CKAP2: variants seen among roughly 807,000 people sequenced by gnomAD.
The protein encoded by CKAP2 is cytoskeleton-associated protein 2.
In CKAP2, 46 loss-of-function variants were observed where a neutral mutation model predicts 58.4. The ratio of observed to expected loss-of-function variants is 0.79; its 90% CI spans 0.62 to 1.01. CKAP2 has a LOEUF of 1.01. Among genes scored for constraint, CKAP2 ranks in the 50% least tolerant of loss-of-function variants. The pLI is 0.00. For synonymous variants in CKAP2, 293 were observed against 280.9 expected (o/e 1.04, Z -0.43); for missense variants, 809 against 796.4 (o/e 1.02, Z -0.19).
At chr13:52,467,850 C>T (rs1228710340) in intron 6 of CKAP2, among the ~76,000 whole-genome samples, 1 of 150,320 alleles carries the variant, frequency 6.7e-6, no homozygotes, top group Non-Finnish European at 1.5e-5. Flanking sequence ...CACTCTCTCG[C>T]CCAGGCTAGA....
intron 6 of CKAP2, chr13:52,465,938 T>TATATACAC (rs1555259574): frequency 1.4e-4 from 43 of 300,864 alleles, no homozygotes; most frequent in South Asian, 6.1e-4. Context: ...TACACACATA[T>TATATACAC]ATATACACAT....
Position 52,462,352 on chromosome 13 carries a change from T to G in CKAP2, c.1101-11T>G. 6.2e-7 allele frequency: 1 copy of G among 1,607,392 alleles called. No homozygotes were observed. Among genetic ancestry groups the G allele is most frequent in the Non-Finnish European group, 8.5e-7 (1 of 1,178,410 alleles). On this transcript the variant is annotated splice_polypyrimidine_tract_variant and intron_variant, in intron 4 of 8. Transcript: ENST00000258607. ...TTTCAAAGTAACGTTTATATCTGCT[T>G]CTAACTATAGAGCTCGTCTGAGTGA... is the stretch of plus-strand genomic sequence containing the variant.
intron 7 of CKAP2, among the ~76,000 whole-genome samples, chr13:52,472,058 A>G (rs1007340386): frequency 7.2e-5 from 11 of 152,002 alleles, no homozygotes; most frequent in South Asian, 2.1e-4. Context: ...CTCCAAGACA[A>G]TCTTCTACTT....
At position 52,475,399 on chromosome 13, in the gene CKAP2, A is replaced by G. The variant is rs1958815031; in HGVS notation, c.*258A>G. The G allele has an allele frequency of 7.3e-6, 3 of 409,424 alleles. No individual in the cohort carries two copies. Among genetic ancestry groups the G allele is most frequent in the Middle Eastern group, 6.5e-4 (1 of 1,528 alleles). The allele number at this position is 409,424 out of a possible 1,614,324, so 25.4% of individuals were successfully genotyped here. ...GGTAAATTTTGTCAGCTAGTTTACT[A>G]TGTTCCTTGAATATAAACAGGTTAT... On this transcript the variant is annotated 3_prime_UTR_variant, in exon 9 of 9. Coordinates refer to ENST00000258607, the MANE Select transcript of CKAP2 (RefSeq NM_018204.5).
At chr13:52,455,899 G>A in intron 1 of CKAP2, 2 of 1,102,822 alleles carry the variant, frequency 1.8e-6, no homozygotes, top group African/African-American at 1.7e-5. Context: ...AAACGCGCGG[G>A]CCTCAGGCCG....
chr13:52,466,871 GGATCGTTTGAGTCCAA>G (rs1958685355), intron 6 of CKAP2, among the ~76,000 whole-genome samples: 1 of 152,184 alleles, frequency 6.6e-6, no homozygotes, highest in Non-Finnish European at 1.5e-5. Context: ...CGAGGCGGGA[GGATCGTTTGAGTCCAA>G]GAGTTCAAGA....
intron 5 of CKAP2, among the ~76,000 whole-genome samples, chr13:52,464,451 G>A (rs1235656512): frequency 6.6e-6 from 1 of 151,630 alleles, no homozygotes; most frequent in African/African-American, 2.4e-5. Context: ...TACTCAGAAG[G>A]CTGAGGCTGG....
At chr13:52,474,443 C>T (rs1161200060) in intron 8 of CKAP2, among the ~76,000 whole-genome samples, 1 of 152,184 alleles carries the variant, frequency 6.6e-6, no homozygotes, top group Non-Finnish European at 1.5e-5. Flanking sequence ...GAGCCAAGAT[C>T]ATGCCACTGT....
Position 52,461,264 on chromosome 13 carries a change from A to G in CKAP2, c.438A>G (p.Ala146=), listed in dbSNP as rs372390966. The change falls in exon 4 of 9, where the codon GCA becomes GCG. Residue 146 remains alanine, a synonymous_variant. Transcript: ENST00000258607. ...PQSQHMTLSQ[A]FHLKNNSKKK... ...GTCAACATATGACATTAAGCCAGGC[A>G]TTTCACCTTAAAAACAATAGTAAAA... 1.2e-5 allele frequency: 20 copies of G among 1,613,580 alleles called. No homozygotes were observed. In the African/African-American group the frequency reaches 2.4e-4, roughly 19 times the overall value.
intron 7 of CKAP2, among the ~76,000 whole-genome samples, chr13:52,470,881 C>T (rs1043223961): frequency 6.6e-6 from 1 of 151,596 alleles, no homozygotes; most frequent in Non-Finnish European, 1.5e-5. Context: ...CAGTCCTGGC[C>T]GGGCATGGTG....
chr13:52,466,151 C>T (rs1162029599), intron 6 of CKAP2, among the ~76,000 whole-genome samples: 3 of 151,938 alleles, frequency 2.0e-5, no homozygotes, highest in Non-Finnish European at 2.9e-5. Context: ...TATAGTGCCT[C>T]GATACCATAC....
At chr13:52,471,589 T>A (rs1958762135) in intron 7 of CKAP2, among the ~76,000 whole-genome samples, 1 of 152,146 alleles carries the variant, frequency 6.6e-6, no homozygotes, top group Non-Finnish European at 1.5e-5. Flanking sequence ...ATAGCCAAAC[T>A]TGAACACATA....
chr13:52,460,755 T>G (rs1246136562), intron 2 of CKAP2, 144 bp from the exon 3 acceptor site: 2 of 739,508 alleles, frequency 2.7e-6, no homozygotes, highest in Non-Finnish European at 4.2e-6. Flanking sequence ...CCTGGCCGCT[T>G]AGGACAAATT....
At position 52,475,592 on chromosome 13, in the gene CKAP2, G is replaced by T. The variant is rs1738519247; in HGVS notation, c.*451G>T. 6.5e-6 allele frequency: 1 copy of T among 152,944 alleles called. No individual in the cohort carries two copies. 9.5% of individuals were successfully genotyped at this position (152,944 alleles called of 1,614,324 possible). ...TTTTTCTTTTTTTTGGCCTTTCTCAGATTAGTCAAAAATTCTATAGAATGA... is the reference window on the plus strand; with the variant it reads ...TTTTTCTTTTTTTTGGCCTTTCTCATATTAGTCAAAAATTCTATAGAATGA... On this transcript the variant is annotated 3_prime_UTR_variant, in exon 9 of 9. Transcript: ENST00000258607.
intron 7 of CKAP2, among the ~76,000 whole-genome samples, chr13:52,470,255 G>A (rs1422926618): frequency 2.0e-5 from 3 of 151,956 alleles, no homozygotes; most frequent in Admixed American, 1.3e-4. Flanking sequence ...ACAGGCATGC[G>A]CCACCTTGCC....
At position 52,456,613 on chromosome 13, in the gene CKAP2, GTCAAGTTTATTTCTTT is replaced by G; in HGVS notation, c.155+10_155+25del. The G allele has an allele frequency of 6.2e-7, 1 of 1,604,018 alleles. No individual in the cohort carries two copies. The highest frequency in any genetic ancestry group is 2.2e-5 in the East Asian group (1 of 44,792). ...GAAAATGAGATGTTATCCAGGTAAGGTCAAGTTTATTTCTTTTCACTTCTGTAAAATTGTATCAGAT... is the reference window on the plus strand; with the variant it reads ...GAAAATGAGATGTTATCCAGGTAAGGTCACTTCTGTAAAATTGTATCAGAT... On this transcript the variant is annotated splice_region_variant and intron_variant, in intron 2 of 8. Coordinates refer to ENST00000258607, the MANE Select transcript of CKAP2 (RefSeq NM_018204.5).
At chr13:52,458,790 G>A (rs1422302537) in intron 2 of CKAP2, among the ~76,000 whole-genome samples, 1 of 151,878 alleles carries the variant, frequency 6.6e-6, no homozygotes, top group Non-Finnish European at 1.5e-5. Context: ...CTGGGAGGCG[G>A]AGGTTGCAGT....
chr13:52,461,063 T>A lies in CKAP2; in HGVS notation c.237T>A (p.Asp79Glu). The change falls in exon 4 of 9, where the codon GAT becomes GAA. Residue 79 changes from aspartate to glutamate, a missense_variant. By Grantham distance (45) the Asp-to-Glu change is conservative. This residue lies in a region of CKAP2 where 523 missense variants were observed against 492.4 expected (regional missense o/e 1.06). Coordinates refer to ENST00000258607, the MANE Select transcript of CKAP2 (RefSeq NM_018204.5). ...TTCTTAAATAATTCTTTCAGGCTGA[T>A]AAAGAAAACATGAAGAGACCTGCAG... is the stretch of plus-strand genomic sequence containing the variant. ...KVLKLKTKMA[D>E]KENMKRPAES... is the part of the protein sequence containing the mutation. 6.3e-7 allele frequency: 1 copy of A among 1,598,532 alleles called. No individual in the cohort carries two copies. Among genetic ancestry groups the A allele is most frequent in the Non-Finnish European group, 8.5e-7 (1 of 1,175,118 alleles).
Position 52,476,313 on chromosome 13 carries a change from T to G in CKAP2, c.*1172T>G, listed in dbSNP as rs1173371799. The stretch of plus-strand genomic sequence containing the variant: ...TAGAGAGTAGGACTTTTATTCCGTG[T>G]ACCTGATATATATACAATTAAAATA... On this transcript the variant is annotated 3_prime_UTR_variant, in exon 9 of 9. Transcript: ENST00000258607. 6.6e-6 allele frequency: 1 copy of G among 152,240 alleles called. No homozygotes were observed. The highest frequency in any genetic ancestry group is 2.4e-5 in the African/African-American group (1 of 41,468). 9.4% of individuals were successfully genotyped at this position (152,240 alleles called of 1,614,324 possible). A position where few individuals can be genotyped will look rare whatever the true frequency, so the allele number is the denominator to read the frequency against.
Sources: gnomAD v4.1 joint callset for allele counts (sites outside exome capture counted in the v4.1 genomes callset) on GRCh38, gnomAD v4.1.1 for gene constraint, gnomAD v4.1.1 regional missense constraint, MANE v1.5 for transcripts, NCBI Gene and HGNC (gene_info 2026-07-23, HGNC 2026-07-21) for gene names.